PDHX: variants seen among roughly 807,000 people sequenced by gnomAD.
The protein encoded by PDHX is pyruvate dehydrogenase protein X component, mitochondrial.
Under a neutral mutation model 55.3 loss-of-function variants are expected in PDHX, and 33 were observed. The ratio of observed to expected loss-of-function variants is 0.60; its 90% CI spans 0.45 to 0.80. The LOEUF is 0.80. Among genes scored for constraint, PDHX ranks in the 30% least tolerant of loss-of-function variants. PDHX has a pLI of 0.00. For synonymous variants in PDHX, 226 were observed against 219.4 expected, an observed-to-expected ratio of 1.03 and a Z score of -0.27; for missense variants, 622 against 619.9, an observed-to-expected ratio of 1.00 and a Z score of -0.04.
chr11:34,916,325 G>C, upstream of PDHX: 5 of 1,606,744 alleles, frequency 3.1e-6, no homozygotes, highest in Non-Finnish European at 4.2e-6. Context: ...ATCTCCGCAC[G>C]GCTTTGCGCG....
chr11:34,939,521 A>G (rs1854422359), intron 2 of PDHX, among the ~76,000 whole-genome samples: 1 of 151,218 alleles, frequency 6.6e-6, no homozygotes, highest in South Asian at 2.1e-4. Flanking sequence ...GCATGCGCGC[A>G]GCGTTTTACA....
At chr11:34,916,473 T>C (rs1207510316), upstream of PDHX, 5 of 1,457,772 alleles carry the variant, frequency 3.4e-6, no homozygotes, top group Non-Finnish European at 4.5e-6. Context: ...GCGGCGCACC[T>C]GACTTCCCGG....
chr11:34,946,702 G>A (rs766930867), intron 2 of PDHX, among the ~76,000 whole-genome samples: 13 of 152,164 alleles, frequency 8.5e-5, no homozygotes, highest in Non-Finnish European at 1.2e-4. Context: ...TAAAATCATA[G>A]TCTCAGTCAA....
intron 8 of PDHX, among the ~76,000 whole-genome samples, chr11:34,982,842 G>T (rs1439040446): frequency 6.6e-6 from 1 of 152,256 alleles, no homozygotes; most frequent in East Asian, 1.9e-4. Flanking sequence ...TCTACCAGAG[G>T]TACAAGGAGG....
intron 8 of PDHX, among the ~76,000 whole-genome samples, chr11:34,981,382 T>G (rs1396484898): frequency 6.6e-6 from 1 of 152,188 alleles, no homozygotes; most frequent in Non-Finnish European, 1.5e-5. Flanking sequence ...TGCCACATTT[T>G]CTTAATCCAG....
At chr11:34,944,093 G>GTA (rs898572593) in intron 2 of PDHX, among the ~76,000 whole-genome samples, 3 of 138,562 alleles carry the variant, frequency 2.2e-5, no homozygotes, top group Non-Finnish European at 3.2e-5. Context: ...GTGTGTGTGT[G>GTA]TATATATATA....
intron 2 of PDHX, among the ~76,000 whole-genome samples, chr11:34,946,957 T>C (rs1339981236): frequency 6.6e-6 from 1 of 152,214 alleles, no homozygotes; most frequent in African/African-American, 2.4e-5. Flanking sequence ...AGTTTCCAGA[T>C]ATTTTCTGTT....
chr11:34,952,509 A>T (rs569567101), intron 3 of PDHX, among the ~76,000 whole-genome samples: 1 of 151,444 alleles, frequency 6.6e-6, no homozygotes, highest in Admixed American at 6.6e-5. Flanking sequence ...AGTGGGCTTC[A>T]TCCCTGGGAT....
At chr11:34,922,087 A>G (rs1853894856) in intron 1 of PDHX, among the ~76,000 whole-genome samples, 1 of 152,220 alleles carries the variant, frequency 6.6e-6, no homozygotes, top group Admixed American at 6.5e-5. Context: ...TTTGCAGAAC[A>G]AGAAACATCT....
chr11:34,969,700 G>A (rs1381570582), intron 6 of PDHX, among the ~76,000 whole-genome samples: 1 of 151,980 alleles, frequency 6.6e-6, no homozygotes, highest in East Asian at 1.9e-4. Flanking sequence ...GATGGTGTAT[G>A]TCTATGTCTG....
intron 9 of PDHX, among the ~76,000 whole-genome samples, chr11:34,986,369 A>G (rs1455732214): frequency 6.6e-6 from 1 of 151,930 alleles, no homozygotes; most frequent in Non-Finnish European, 1.5e-5. Flanking sequence ...TCAAAGTAAT[A>G]GAGATTGGTT....
chr11:34,924,813 T>A (rs1226750460), intron 1 of PDHX, among the ~76,000 whole-genome samples: 1 of 152,190 alleles, frequency 6.6e-6, no homozygotes, highest in Non-Finnish European at 1.5e-5. Flanking sequence ...TCACCCAACT[T>A]TCCCAGTCTT....
intron 10 of PDHX, among the ~76,000 whole-genome samples, chr11:34,992,672 A>G (rs992484399): frequency 2.6e-5 from 4 of 152,132 alleles, no homozygotes; most frequent in Non-Finnish European, 2.9e-5. Context: ...AATGTCTGTA[A>G]TATTATATTG....
chr11:34,927,832 A>C (rs1331432414), intron 1 of PDHX, among the ~76,000 whole-genome samples: 7 of 152,136 alleles, frequency 4.6e-5, no homozygotes, highest in Non-Finnish European at 7.4e-5. Flanking sequence ...GAGATGTCCA[A>C]AATATCTTTC....
intron 7 of PDHX, among the ~76,000 whole-genome samples, chr11:34,975,062 G>A (rs1855336423): frequency 2.0e-5 from 3 of 151,870 alleles, no homozygotes; most frequent in African/African-American, 7.3e-5. Flanking sequence ...AGTTAATAGG[G>A]GTTTTGTTTC....
intron 1 of PDHX, among the ~76,000 whole-genome samples, chr11:34,924,281 G>C (rs778219832): frequency 2.0e-5 from 3 of 151,942 alleles, no homozygotes; most frequent in Non-Finnish European, 2.9e-5. Flanking sequence ...TTACTCTGTC[G>C]CCCAGACTGG....
intron 3 of PDHX, among the ~76,000 whole-genome samples, chr11:34,951,317 C>G (rs1854763336): frequency 6.6e-6 from 1 of 150,638 alleles, no homozygotes; most frequent in Non-Finnish European, 1.5e-5. Context: ...CCTCGGCCTC[C>G]CAAAGTGCTG....
chr11:34,993,045 G>C (rs1314696936), intron 10 of PDHX, among the ~76,000 whole-genome samples: 2 of 152,074 alleles, frequency 1.3e-5, no homozygotes, highest in Non-Finnish European at 2.9e-5. Context: ...GGGGTGTGTA[G>C]TGGTACTCTT....
chr11:34,927,277 C>T (rs1470401981), intron 1 of PDHX, among the ~76,000 whole-genome samples: 1 of 151,974 alleles, frequency 6.6e-6, no homozygotes. Flanking sequence ...AATTGAAAAA[C>T]TTGTGTAATG....
Sources: gnomAD v4.1 joint callset for allele counts (sites outside exome capture counted in the v4.1 genomes callset) on GRCh38, gnomAD v4.1.1 for gene constraint, MANE v1.5 for transcripts, NCBI Gene and HGNC (gene_info 2026-07-23, HGNC 2026-07-21) for gene names.